CRTAC1: variants seen among roughly 807,000 people sequenced by gnomAD.
The protein encoded by CRTAC1 is cartilage acidic protein 1.
A neutral mutation model predicts 67.8 loss-of-function variants in CRTAC1; 37 were observed. That is an observed-to-expected ratio of 0.55 (90% CI 0.42 to 0.72). The LOEUF (loss-of-function observed/expected upper bound fraction) is 0.72. Ranked by LOEUF, CRTAC1 falls within the 30% of genes least tolerant of loss-of-function variation. The pLI, the probability that CRTAC1 is intolerant of heterozygous loss-of-function variation, is 0.00. For synonymous variants in CRTAC1, 348 were observed against 371.0 expected, an observed-to-expected ratio of 0.94 and a Z score of 0.71; for missense variants, 780 against 931.6, an observed-to-expected ratio of 0.84 and a Z score of 2.12.
intron 2 of CRTAC1, among the ~76,000 whole-genome samples, chr10:97,952,360 AT>A (rs770473780): frequency 1.4e-3 from 207 of 150,312 alleles, no homozygotes; most frequent in Non-Finnish European, 1.9e-3. Flanking sequence ...TCAAAAAAAA[AT>A]AAATAAATAA....
At chr10:98,009,712 A>T (rs538585226) in intron 2 of CRTAC1, among the ~76,000 whole-genome samples, 238 of 152,356 alleles carry the variant, frequency 1.6e-3, no homozygotes, top group Non-Finnish European at 2.9e-3. Flanking sequence ...AGTGCTACCA[A>T]AAAAGCTCAG....
intron 1 of CRTAC1, among the ~76,000 whole-genome samples, chr10:98,019,933 C>G (rs1843081709): frequency 6.6e-6 from 1 of 152,230 alleles, no homozygotes; most frequent in Non-Finnish European, 1.5e-5. Flanking sequence ...CGCTGGGCCC[C>G]TTCAAACCCC....
At position 97,922,899 on chromosome 10, in the gene CRTAC1, T is replaced by C. The variant is rs555567947; in HGVS notation, c.558+365A>G. On this transcript the variant is annotated intron_variant, in intron 4 of 14. Transcript: ENST00000370597. ...AGGCACTTAATAAATGTTAGTTGAG[T>C]GAATGAATACAGGCAGGATTTAGAG... 9.9e-5 allele frequency among the ~76,000 whole-genome samples: 15 copies of C among 152,264 alleles called. No individual in the cohort carries two copies. The South Asian group carries it at 1.9e-3, about 19-fold the overall frequency.
At chr10:97,990,884 C>G (rs1457634527) in intron 2 of CRTAC1, among the ~76,000 whole-genome samples, 1 of 152,066 alleles carries the variant, frequency 6.6e-6, no homozygotes, top group Non-Finnish European at 1.5e-5. Context: ...TTTTACGTTG[C>G]ATGTCTGTAG....
chr10:97,966,460 C>A (rs2051617945), intron 2 of CRTAC1, among the ~76,000 whole-genome samples: 1 of 152,148 alleles, frequency 6.6e-6, no homozygotes, highest in Admixed American at 6.5e-5. Flanking sequence ...CTTAAGTTTA[C>A]AGAAAAATTG....
At chr10:98,005,550 G>A (rs948123426) in intron 2 of CRTAC1, among the ~76,000 whole-genome samples, 36 of 151,204 alleles carry the variant, frequency 2.4e-4, no homozygotes, top group Admixed American at 4.6e-4. Context: ...ATATTTATTC[G>A]GATTTTGTTA....
At chr10:98,025,433 G>A (rs1342566721) in intron 1 of CRTAC1, among the ~76,000 whole-genome samples, 1 of 152,102 alleles carries the variant, frequency 6.6e-6, no homozygotes, top group Admixed American at 6.5e-5. Context: ...CACCATTCAA[G>A]GATTTCGATA....
chr10:98,007,268 C>T (rs985441494), intron 2 of CRTAC1, among the ~76,000 whole-genome samples: 3 of 152,112 alleles, frequency 2.0e-5, no homozygotes, highest in African/African-American at 7.2e-5. Flanking sequence ...TAGGTGTGGT[C>T]TTATTGTAAG....
rs1484968184 is a variant in CRTAC1 at position 98,030,572 on chromosome 10, C to G, written c.-100G>C. 3 of 843,218 alleles carry G rather than the reference C, an allele frequency of 3.6e-6. No homozygotes were observed. The East Asian group carries it at 1.0e-4, about 29-fold the overall frequency. 52.2% of individuals were successfully genotyped at this position (843,218 alleles called of 1,614,324 possible). On this transcript the variant is annotated 5_prime_UTR_variant, in exon 1 of 15. Coordinates refer to ENST00000370597, the MANE Select transcript of CRTAC1 (RefSeq NM_018058.7). The surrounding 1 kb of genome is among the most constrained non-coding windows in gnomAD (Gnocchi z 4.2). ...CGCCTGCTTGCTCCCAGCCCCGGTC[C>G]CGGGCTGGCCTCGAGCCTCCCGCCC... is the stretch of plus-strand genomic sequence containing the variant.
At position 97,936,235 on chromosome 10, in the gene CRTAC1, G is replaced by T; in HGVS notation, c.356C>A (p.Ala119Asp). The T allele has an allele frequency of 6.2e-7, 1 of 1,614,162 alleles. No homozygotes were observed. Reference sequence around the variant, plus strand: ...CCGGCCGTCCCCGTCGATGTCGCAGGCTGTGACCCCGATGGCGTTCCCCTG... The same window carrying T: ...CCGGCCGTCCCCGTCGATGTCGCAGTCTGTGACCCCGATGGCGTTCCCCTG... ...DRQGNAIGVTACDIDGDGREE... is the reference protein window; with the variant it reads ...DRQGNAIGVTDCDIDGDGREE... Residue 119 changes from alanine to aspartate, a missense_variant, in exon 3 of 15, where the codon GCC (alanine) becomes GAC (aspartate). Coordinates refer to ENST00000370597, the MANE Select transcript of CRTAC1 (RefSeq NM_018058.7).
At chr10:97,965,503 C>T (rs924202909) in intron 2 of CRTAC1, among the ~76,000 whole-genome samples, 1 of 152,176 alleles carries the variant, frequency 6.6e-6, no homozygotes, top group Non-Finnish European at 1.5e-5. Flanking sequence ...TGTTGGAACA[C>T]TTACTACCGC....
intron 11 of CRTAC1, among the ~76,000 whole-genome samples, chr10:97,894,227 T>G (rs566431010): frequency 6.6e-6 from 1 of 152,106 alleles, no homozygotes; most frequent in African/African-American, 2.4e-5. Context: ...TTTCCACCAG[T>G]GATGTAGGAG....
rs756814235 is a variant in CRTAC1, at chr10:97,917,579, G to C, written c.636C>G (p.Asp212Glu). The C allele has an allele frequency of 6.2e-7, 1 of 1,603,996 alleles. No homozygotes were observed. The highest frequency in any genetic ancestry group is 8.5e-7 in the Non-Finnish European group (1 of 1,174,562). The change falls in exon 5 of 15, where the codon GAC becomes GAG. Residue 212 changes from aspartate to glutamate, a missense_variant. Asp to Glu is a conservative substitution (Grantham distance 45). Transcript: ENST00000370597. ...NVGPDALIEM[D>E]PEASDLSRGI... Reference sequence around the variant, plus strand: ...CCCGGGAGAGGTCACTGGCCTCAGGGTCCATTTCAATGAGGGCATCAGGGC... The same window carrying C: ...CCCGGGAGAGGTCACTGGCCTCAGGCTCCATTTCAATGAGGGCATCAGGGC...
rs189446205 is a variant in CRTAC1 at position 97,985,040 on chromosome 10, C to T, written c.224+26098G>A. Among the ~76,000 whole-genome samples, 637 of 152,276 alleles carry T rather than the reference C, an allele frequency of 4.2e-3. 11 individuals carry two copies. Among genetic ancestry groups the T allele is most frequent in the Admixed American group, 8.8e-3 (135 of 15,294 alleles). On this transcript the variant is annotated intron_variant, in intron 2 of 14. Transcript: ENST00000370597. Reference sequence around the variant, plus strand: ...GTGCATGTCAGACTTGTGCCCAACTCGTGGCTCCACCCCTTGGCCAGAACT... The same window carrying T: ...GTGCATGTCAGACTTGTGCCCAACTTGTGGCTCCACCCCTTGGCCAGAACT...
At position 97,884,320 on chromosome 10, in the gene CRTAC1, C is replaced by T. The variant is rs372825548; in HGVS notation, c.1518G>A (p.Thr506=). 2.6e-5 allele frequency: 40 copies of T among 1,552,166 alleles called. No individual in the cohort carries two copies. Among genetic ancestry groups the T allele is most frequent in the South Asian group, 1.1e-4 (9 of 84,088 alleles). ...GGCTCACCATCTTGCCATCTGGCCA[C>T]GTCACCTCCACACTGCTGGCTTCAT... ...GKDEASSVEV[T]WPDGKMVSRN... Residue 506 remains threonine, a synonymous_variant, in exon 12 of 15, where the codon ACG becomes ACA. Transcript: ENST00000370597.
chr10:97,922,430 G>C (rs2050854316), intron 4 of CRTAC1, among the ~76,000 whole-genome samples: 2 of 152,222 alleles, frequency 1.3e-5, no homozygotes, highest in Admixed American at 1.3e-4. Context: ...CCTGCCCCCA[G>C]AATGGGGGCC....
intron 2 of CRTAC1, among the ~76,000 whole-genome samples, chr10:97,968,992 G>A (rs1216555286): frequency 6.6e-6 from 1 of 152,200 alleles, no homozygotes; most frequent in Non-Finnish European, 1.5e-5. Flanking sequence ...TTGGAGCTCT[G>A]CTGGTGGTCT....
At chr10:97,925,118 A>G (rs2050893884) in intron 3 of CRTAC1, among the ~76,000 whole-genome samples, 1 of 152,150 alleles carries the variant, frequency 6.6e-6, no homozygotes, top group African/African-American at 2.4e-5. Flanking sequence ...CTCCCCCTCA[A>G]AAATTAGCCA....
intron 5 of CRTAC1, among the ~76,000 whole-genome samples, chr10:97,915,770 A>G (rs772102537): frequency 6.6e-6 from 1 of 152,134 alleles, no homozygotes; most frequent in Non-Finnish European, 1.5e-5. Flanking sequence ...ACAGAATAGT[A>G]ACATGGTGGG....
Sources: gnomAD v4.1 joint callset for allele counts (sites outside exome capture counted in the v4.1 genomes callset) on GRCh38, gnomAD v4.1.1 for gene constraint, Gnocchi (gnomAD v3.1) non-coding constraint, MANE v1.5 for transcripts, NCBI Gene and HGNC (gene_info 2026-07-23, HGNC 2026-07-21) for gene names.